STRN: variants seen among roughly 807,000 people sequenced by gnomAD.
STRN encodes striatin, also known as protein phosphatase 2 regulatory subunit B'''alpha.
STRN carries 53 observed loss-of-function variants against 96.3 expected under a neutral mutation model. The ratio of observed to expected loss-of-function variants is 0.55; its 90% CI spans 0.44 to 0.69. The LOEUF (loss-of-function observed/expected upper bound fraction) is 0.69, where lower values mean the gene tolerates loss of function less well. Ranked by LOEUF, STRN falls within the 30% of genes least tolerant of loss-of-function variation. The probability of loss-of-function intolerance (pLI) is 0.00; values close to 1 mark genes in which losing one functional copy is unlikely to be tolerated. For missense variants in STRN, 987 were observed against 963.9 expected (o/e 1.02, Z -0.32); for synonymous variants, 428 against 355.9 (o/e 1.20, Z -2.28).
intron 10 of STRN, among the ~76,000 whole-genome samples, chr2:36,872,835 T>C (rs1352210100): frequency 1.3e-5 from 2 of 151,724 alleles, no homozygotes; most frequent in Admixed American, 6.6e-5. Flanking sequence ...TAAGGACAAG[T>C]AGAAAAGCAG....
intron 1 of STRN, among the ~76,000 whole-genome samples, chr2:36,948,249 G>C (rs1055995336): frequency 9.9e-5 from 15 of 151,582 alleles, no homozygotes; most frequent in African/African-American, 3.6e-4. Flanking sequence ...TTACAGGCAT[G>C]TGCCACCACA....
chr2:36,906,930 C>CAA (rs757668750), intron 3 of STRN, among the ~76,000 whole-genome samples: 6,663 of 127,198 alleles, frequency 0.052, 202 homozygotes, highest in Non-Finnish European at 0.073. Flanking sequence ...TCTCAAAAAA[C>CAA]AAAAAAAACA....
At chr2:36,946,884 C>T (rs1025934197) in intron 1 of STRN, among the ~76,000 whole-genome samples, 1 of 151,876 alleles carries the variant, frequency 6.6e-6, no homozygotes. Flanking sequence ...TCACATTATA[C>T]CAAACTTACA....
intron 7 of STRN, among the ~76,000 whole-genome samples, chr2:36,891,999 ATGTG>A (rs1669414082): frequency 6.6e-6 from 1 of 152,196 alleles, no homozygotes; most frequent in Non-Finnish European, 1.5e-5. Flanking sequence ...AGTATTTCTG[ATGTG>A]TGTAACTAAA....
rs1263240344 is a variant in STRN, at chr2:36,842,818, CCT to C, written c.*6636_*6637del. ...TTTTCAGAGCCGTATGTCAGTGCTT[CCT>C]TAGAGAACTGGAGTGTTCTGGTCAT... On this transcript the variant is annotated 3_prime_UTR_variant, in exon 18 of 18. Coordinates refer to ENST00000263918, the MANE Select transcript of STRN (RefSeq NM_003162.4). Among the ~76,000 whole-genome samples the C allele has an allele frequency of 6.6e-6, 1 of 152,070 alleles. No individual in the cohort carries two copies. The highest frequency in any genetic ancestry group is 1.5e-5 in the Non-Finnish European group (1 of 68,032).
intron 1 of STRN, among the ~76,000 whole-genome samples, chr2:36,961,214 C>A (rs1665023240): frequency 6.9e-6 from 1 of 145,058 alleles, no homozygotes; most frequent in African/African-American, 2.6e-5. Context: ...GCAGCTTCAA[C>A]CTCCCAGGCC....
At chr2:36,940,027 T>C (rs371563620) in intron 1 of STRN, among the ~76,000 whole-genome samples, 23 of 152,332 alleles carry the variant, frequency 1.5e-4, no homozygotes, top group Admixed American at 5.2e-4. Context: ...ATTCCCACCA[T>C]AGACATAGTT....
In STRN at chr2:36,922,132, A is replaced by G. The variant is rs185944714; in HGVS notation, c.338+2973T>C. Among the ~76,000 whole-genome samples, 206 of 152,320 alleles carry G rather than the reference A, an allele frequency of 1.4e-3. 1 individual carries two copies. The highest frequency in any genetic ancestry group is 6.8e-3 in the Middle Eastern group (2 of 294). ...GGTACCTATAGAGAGAGCAAACACA[A>G]TAAAGCAAATATAGCAAATCATTTT... On this transcript the variant is annotated intron_variant, in intron 2 of 17. Transcript: ENST00000263918.
Position 36,962,001 on chromosome 2 carries a change from T to G in STRN, c.234+4229A>C, listed in dbSNP as rs535303770. Among the ~76,000 whole-genome samples, 18 of 152,310 alleles carry G rather than the reference T, an allele frequency of 1.2e-4. No homozygotes were observed. In the East Asian group the frequency reaches 3.1e-3, roughly 26 times the overall value. On this transcript the variant is annotated intron_variant, in intron 1 of 17. Coordinates refer to ENST00000263918, the MANE Select transcript of STRN (RefSeq NM_003162.4). ...CGAATGGCATCTTATCAGTGAATCCTTTCTTCCCCATTCCACCCTCTCAAA... is the reference window on the plus strand; with the variant it reads ...CGAATGGCATCTTATCAGTGAATCCGTTCTTCCCCATTCCACCCTCTCAAA...
intron 3 of STRN, among the ~76,000 whole-genome samples, chr2:36,908,777 C>G (rs1411295047): frequency 6.6e-6 from 1 of 152,064 alleles, no homozygotes; most frequent in Non-Finnish European, 1.5e-5. Context: ...AGTTTGAGAC[C>G]AGCCTGGCCA....
chr2:36,900,309 C>T (rs895281737), intron 5 of STRN, among the ~76,000 whole-genome samples: 7 of 152,088 alleles, frequency 4.6e-5, no homozygotes, highest in African/African-American at 1.7e-4. Flanking sequence ...TCTCTACCGC[C>T]GTTTTTCTCT....
At chr2:36,932,373 T>C (rs1233481194) in intron 1 of STRN, among the ~76,000 whole-genome samples, 1 of 152,150 alleles carries the variant, frequency 6.6e-6, no homozygotes, top group Non-Finnish European at 1.5e-5. Context: ...CAGGCTGGTA[T>C]CAAACTCCTG....
At position 36,844,075 on chromosome 2, in the gene STRN, G is replaced by C. The variant is rs763349379; in HGVS notation, c.*5381C>G. 1 of 152,130 alleles carries C rather than the reference G, an allele frequency of 6.6e-6. No individual in the cohort carries two copies. The highest frequency in any genetic ancestry group is 1.5e-5 in the Non-Finnish European group (1 of 68,016). The allele number at this position is 152,130 out of a possible 1,614,324, so 9.4% of individuals were successfully genotyped here. A position where few individuals can be genotyped will look rare whatever the true frequency, so the allele number is the denominator to read the frequency against. ...TGATGACACCCTGTGGTCAGCTCTA[G>C]TCAACTGAACTTGAGAAAACATAAA... is the stretch of plus-strand genomic sequence containing the variant. On this transcript the variant is annotated 3_prime_UTR_variant, in exon 18 of 18. Coordinates refer to ENST00000263918, the MANE Select transcript of STRN (RefSeq NM_003162.4).
rs1668717151 is a variant in STRN at position 36,869,773 on chromosome 2, G to C, written c.1324-44C>G. 3 of 1,411,520 alleles carry C rather than the reference G, an allele frequency of 2.1e-6. No individual in the cohort carries two copies. The South Asian group carries it at 5.2e-5, about 24-fold the overall frequency. 87.4% of individuals were successfully genotyped at this position (1,411,520 alleles called of 1,614,324 possible). On this transcript the variant is annotated intron_variant, in intron 10 of 17. Transcript: ENST00000263918. Reference sequence around the variant, plus strand: ...AAAGATATCTACACACTTAGTTAAGGATAGGGGAAAAAACTTGCATTTCAA... The same window carrying C: ...AAAGATATCTACACACTTAGTTAAGCATAGGGGAAAAAACTTGCATTTCAA...
chr2:36,885,902 G>A (rs1015825133), intron 8 of STRN, among the ~76,000 whole-genome samples: 1 of 152,038 alleles, frequency 6.6e-6, no homozygotes, highest in East Asian at 1.9e-4. Flanking sequence ...TATTGTCAAC[G>A]AGGGTAGAAA....
rs892446013 is a variant in STRN, at chr2:36,848,639, T to G, written c.*817A>C. ...TTTAAAATAGAAATTATTAAAGAGA[T>G]ATGCCCTGTTTACCCTTAAAAATAA... On this transcript the variant is annotated 3_prime_UTR_variant, in exon 18 of 18. Coordinates refer to ENST00000263918, the MANE Select transcript of STRN (RefSeq NM_003162.4). 1 of 152,204 alleles carries G rather than the reference T, an allele frequency of 6.6e-6. No individual in the cohort carries two copies. The highest frequency in any genetic ancestry group is 1.5e-5 in the Non-Finnish European group (1 of 68,042). 9.4% of individuals were successfully genotyped at this position (152,204 alleles called of 1,614,324 possible).
At chr2:36,853,342 G>C (rs565043676) in intron 15 of STRN, among the ~76,000 whole-genome samples, 5 of 151,998 alleles carry the variant, frequency 3.3e-5, no homozygotes, top group Non-Finnish European at 5.9e-5. Context: ...GAGAATAACA[G>C]TAACAACAAA....
intron 13 of STRN, 103 bp from the exon 14 acceptor site, chr2:36,858,126 T>C (rs1242825769): frequency 1.2e-6 from 1 of 832,530 alleles, no homozygotes; most frequent in Middle Eastern, 2.4e-4. Flanking sequence ...CTGATAACAG[T>C]ATAAAATATG....
At chr2:36,861,461 A>G (rs1055235788) in intron 12 of STRN, among the ~76,000 whole-genome samples, 1 of 152,090 alleles carries the variant, frequency 6.6e-6, no homozygotes, top group Non-Finnish European at 1.5e-5. Context: ...GTCAAATCCA[A>G]CCACTGGTCT....
Sources: allele counts gnomAD v4.1 joint callset (sites outside exome capture counted in the v4.1 genomes callset), GRCh38; gene constraint gnomAD v4.1.1; transcripts MANE v1.5; gene names NCBI Gene and HGNC (gene_info 2026-07-23, HGNC 2026-07-21).